ACE: variants seen among roughly 807,000 people sequenced by gnomAD.
ACE encodes the protein angiotensin I converting enzyme, also known as angiotensin-converting enzyme.
Under a neutral mutation model 162.3 loss-of-function variants are expected in ACE, and 122 were observed. The ratio of observed to expected loss-of-function variants is 0.75; its 90% confidence interval spans 0.65 to 0.87. The LOEUF (loss-of-function observed/expected upper bound fraction) is 0.87, where lower values mean the gene tolerates loss of function less well. Among genes scored for constraint, ACE ranks in the 40% least tolerant of loss-of-function variants. The probability of loss-of-function intolerance (pLI) is 0.00; values close to 1 mark genes in which losing one functional copy is unlikely to be tolerated. For missense variants in ACE, 1,799 were observed against 1,735.1 expected, an observed-to-expected ratio of 1.04 and a Z score of -0.65; for synonymous variants, 796 against 720.6, an observed-to-expected ratio of 1.10 and a Z score of -1.68.
In ACE at chr17:63,480,383, C is replaced by T. The variant is rs746139254; in HGVS notation, c.702C>T (p.Pro234=). Reference sequence around the variant, plus strand: ...ACTGGCGCTCCTGGTACAACTCCCCCACCTTCGAGGACGATCTGGAACACC... The same window carrying T: ...ACTGGCGCTCCTGGTACAACTCCCCTACCTTCGAGGACGATCTGGAACACC... ...GAYWRSWYNS[P]TFEDDLEHLY... Residue 234 remains proline (P), a synonymous_variant, in exon 5 of 25, where the codon CCC becomes CCT. Coordinates refer to ENST00000290866, the MANE Select transcript of ACE (RefSeq NM_000789.4). 17 of 1,614,136 alleles carry T rather than the reference C, an allele frequency of 1.1e-5. No homozygotes were observed. The highest frequency in any genetic ancestry group is 1.4e-5 in the Non-Finnish European group (17 of 1,180,034).
chr17:63,494,556 C>G, intron 22 of ACE, 86 bp downstream of exon 22: 2 of 1,263,658 alleles, frequency 1.6e-6, no homozygotes, highest in Non-Finnish European at 2.3e-6. Context: ...GGTCCACAAG[C>G]TCTGTCAGTC....
intron 7 of ACE, 70 bp downstream of exon 7, chr17:63,481,808 G>A (rs2049715176): frequency 6.2e-7 from 1 of 1,605,576 alleles, no homozygotes; most frequent in African/African-American, 1.3e-5. Flanking sequence ...AGGCAGCCCA[G>A]GCGCAGGGAA....
intron 17 of ACE, among the ~76,000 whole-genome samples, chr17:63,489,395 C>A (rs1349153583): frequency 1.3e-5 from 2 of 152,070 alleles, no homozygotes; most frequent in African/African-American, 2.4e-5. Context: ...GTCCAGGAGA[C>A]CACGGCACCC....
In ACE at chr17:63,483,924, G is replaced by A. The variant is rs1436729410; in HGVS notation, c.1662G>A (p.Leu554=). The change falls in exon 11 of 25, where the codon CTG becomes CTA. Residue 554 remains leucine, a synonymous_variant. Transcript: ENST00000290866. ...LCKEAGYEGP[L]HQCDIYRSTK... is the part of the protein sequence containing the mutation. ...AGGAGGCAGGCTATGAGGGCCCACT[G>A]CACCAGTGTGACATCTACCGGTCCA... is the stretch of plus-strand genomic sequence containing the variant. The A allele has an allele frequency of 1.2e-6, 2 of 1,614,134 alleles. No individual in the cohort carries two copies. Among genetic ancestry groups the A allele is most frequent in the Middle Eastern group, 1.6e-4 (1 of 6,062 alleles).
At position 63,480,495 on chromosome 17, in the gene ACE, A is replaced by C; in HGVS notation, c.814A>C (p.Asn272His). Residue 272 changes from asparagine to histidine, a missense_variant, in exon 5 of 25, where the codon AAC becomes CAC. Transcript: ENST00000290866. ...LHRRYGDRYI[N>H]LRGPIPAHLL... ...TCGCCGATACGGAGACAGATACATC[A>C]ACCTCAGGGGACCCATCCCTGCTCA... The C allele has an allele frequency of 6.2e-7, 1 of 1,613,910 alleles. No individual in the cohort carries two copies. The highest frequency in any genetic ancestry group is 8.5e-7 in the Non-Finnish European group (1 of 1,180,008).
intron 7 of ACE, 109 bp downstream of exon 7, chr17:63,481,847 C>T (rs1326879243): frequency 4.9e-6 from 7 of 1,423,112 alleles, no homozygotes; most frequent in Non-Finnish European, 6.9e-6. Flanking sequence ...CTCTACCCTA[C>T]CCCAGCACTG....
chr17:63,479,407 C>T (rs1226016248), intron 3 of ACE, among the ~76,000 whole-genome samples: 1 of 152,178 alleles, frequency 6.6e-6, no homozygotes, highest in Non-Finnish European at 1.5e-5. Flanking sequence ...CCCAAGAGCC[C>T]TCAGGCCAGG....
chr17:63,480,589 TG>T, intron 5 of ACE, 61 bp downstream of exon 5: 1 of 1,584,140 alleles, frequency 6.3e-7, no homozygotes. Flanking sequence ...GAGGTAGGGG[TG>T]GGGGATGTCC....
At chr17:63,477,864 GCTT>G (rs2049644459) in intron 1 of ACE, 64 bp from the exon 2 acceptor site, 2 of 1,550,514 alleles carry the variant, frequency 1.3e-6, no homozygotes. Context: ...CAGCACCGTG[GCTT>G]CTCCTTTATG....
intron 10 of ACE, 56 bp downstream of exon 10, chr17:63,483,614 C>A: frequency 1.5e-6 from 2 of 1,325,746 alleles, no homozygotes; most frequent in South Asian, 1.2e-5. Flanking sequence ...CAATCCACTT[C>A]TCCTCCTGTG....
intron 1 of ACE, 80 bp from the exon 2 acceptor site, chr17:63,477,851 C>T (rs1417465262): frequency 6.5e-7 from 1 of 1,535,116 alleles, no homozygotes; most frequent in Non-Finnish European, 8.8e-7. Context: ...TCCTCCCCTC[C>T]CCCAGCACCG....
chr17:63,494,325 C>T, intron 21 of ACE, 47 bp from the exon 22 acceptor site: 1 of 1,579,820 alleles, frequency 6.3e-7, no homozygotes, highest in Non-Finnish European at 8.7e-7. Flanking sequence ...CACCCCCAGC[C>T]TGGTTCTCCC....
intron 13 of ACE, 171 bp downstream of exon 13, chr17:63,485,543 G>A: frequency 2.3e-6 from 2 of 869,078 alleles, no homozygotes; most frequent in South Asian, 1.4e-5. Flanking sequence ...CACTTTGGGA[G>A]GGGGAGGCGG....
chr17:63,481,280 C>T lies in ACE; in HGVS notation c.945+92C>T, dbSNP rs538460713. On this transcript the variant is annotated intron_variant, in intron 6 of 24. Coordinates refer to ENST00000290866, the MANE Select transcript of ACE (RefSeq NM_000789.4). Reference sequence around the variant, plus strand: ...GATGGGCACAGGGGCGGGAAGGTTTCGGGTACTGAGCAGCAGCCTGGTGTG... The same window carrying T: ...GATGGGCACAGGGGCGGGAAGGTTTTGGGTACTGAGCAGCAGCCTGGTGTG... 118 of 1,238,066 alleles carry T rather than the reference C, an allele frequency of 9.5e-5. 1 individual carries two copies. In the East Asian group the frequency reaches 2.6e-3, roughly 27 times the overall value. The allele number at this position is 1,238,066 out of a possible 1,614,324, so 76.7% of individuals were successfully genotyped here.
intron 15 of ACE, among the ~76,000 whole-genome samples, chr17:63,487,595 C>G (rs1420265671): frequency 2.6e-5 from 4 of 152,188 alleles, no homozygotes; most frequent in South Asian, 2.1e-4. Context: ...CCTGCCACTT[C>G]CTACTGGATA....
chr17:63,483,378 G>A (rs1295457546), intron 9 of ACE, 82 bp from the exon 10 acceptor site: 6 of 1,482,944 alleles, frequency 4.0e-6, no homozygotes, highest in Non-Finnish European at 5.7e-6. Context: ...GGGTTGCCGG[G>A]TGGAAATGCC....
Position 63,491,000 on chromosome 17 carries a change from GC to G in ACE, c.2691del (p.Phe898SerfsTer14), listed in dbSNP as rs2030334773. On this transcript the variant is annotated frameshift_variant, in exon 18 of 25. Coordinates refer to ENST00000290866, the MANE Select transcript of ACE (RefSeq NM_000789.4). LOFTEE classifies it high-confidence loss of function. ...GGTCCAACATCTATGACTTGGTGGT[GC>G]CCTTCCCTTCAGCCCCCTCGATGGA... is the stretch of plus-strand genomic sequence containing the variant. ...TWSNIYDLVVPFPSAPSMDTT... is the reference protein window; with the variant it reads ...TWSNIYDLVVXFPSAPSMDTT... 6 of 1,614,212 alleles carry G rather than the reference GC, an allele frequency of 3.7e-6. No individual in the cohort carries two copies. The East Asian group carries it at 1.3e-4, about 36-fold the overall frequency.
Position 63,496,986 on chromosome 17 carries a change from G to C in ACE, c.3691+1G>C, listed in dbSNP as rs113110741. ...CAGTACAACTGGACGCCGAACTCCG[G>C]TACCGCCACCCACCCCACCTCCAGC... On this transcript the variant is annotated splice_donor_variant, in intron 24 of 24. Transcript: ENST00000290866. LOFTEE classifies it high-confidence loss of function. 1.2e-6 allele frequency: 2 copies of C among 1,608,408 alleles called. No homozygotes were observed. The highest frequency in any genetic ancestry group is 1.7e-6 in the Non-Finnish European group (2 of 1,178,356).
intron 22 of ACE, 163 bp from the exon 23 acceptor site, chr17:63,496,231 G>A (rs2030719283): frequency 9.9e-7 from 1 of 1,005,218 alleles, no homozygotes; most frequent in Non-Finnish European, 1.5e-6. Flanking sequence ...GCTGGGGTGG[G>A]GGAGCTCACC....
Sources: allele counts gnomAD v4.1 joint callset (sites outside exome capture counted in the v4.1 genomes callset), GRCh38; gene constraint gnomAD v4.1.1; transcripts MANE v1.5; gene names NCBI Gene and HGNC (gene_info 2026-07-23, HGNC 2026-07-21).